The following MTSS1 variants were observed in gnomAD, a reference collection of about 807,000 sequenced individuals.
The protein encoded by MTSS1 is MTSS I-BAR domain containing 1.
Under a neutral mutation model 79.0 loss-of-function variants are expected in MTSS1, and 18 were observed. That is an observed-to-expected ratio of 0.23 (90% CI 0.16 to 0.34). The LOEUF is 0.34. MTSS1 is among the 10% of genes least tolerant of loss of function. The pLI, the probability that MTSS1 is intolerant of heterozygous loss-of-function variation, is 1.00. For missense variants in MTSS1, 815 were observed against 986.2 expected, an observed-to-expected ratio of 0.83 and a Z score of 2.33; for synonymous variants, 341 against 368.6, an observed-to-expected ratio of 0.93 and a Z score of 0.86.
At chr8:124,677,284 C>A (rs578031153) in intron 3 of MTSS1, among the ~76,000 whole-genome samples, 6 of 152,108 alleles carry the variant, frequency 3.9e-5, no homozygotes, top group Non-Finnish European at 8.8e-5. Context: ...ACCTCCACAC[C>A]CCTAGCCCTT....
intron 3 of MTSS1, among the ~76,000 whole-genome samples, chr8:124,624,996 C>T (rs528595412): frequency 2.0e-5 from 3 of 152,332 alleles, no homozygotes; most frequent in African/African-American, 7.2e-5. Context: ...TGTAACAACA[C>T]GTGCCCCAAA....
chr8:124,609,373 G>A (rs1290100413), intron 3 of MTSS1, among the ~76,000 whole-genome samples: 1 of 152,202 alleles, frequency 6.6e-6, no homozygotes, highest in Non-Finnish European at 1.5e-5. Context: ...GGCTGACAAC[G>A]TCTCAGGGCA....
intron 3 of MTSS1, among the ~76,000 whole-genome samples, chr8:124,602,707 G>C (rs1300615673): frequency 6.6e-6 from 1 of 152,178 alleles, no homozygotes. Context: ...ACCTCGGCTA[G>C]AGGTGGGTAC....
At chr8:124,568,029 AC>A in intron 7 of MTSS1, 1 of 1,162,642 alleles carries the variant, frequency 8.6e-7, no homozygotes, top group Non-Finnish European at 1.1e-6. Flanking sequence ...CTGGGTCCCC[AC>A]CCCCAGAGGT....
chr8:124,561,213 C>T (rs1228949365), intron 10 of MTSS1, among the ~76,000 whole-genome samples: 1 of 152,172 alleles, frequency 6.6e-6, no homozygotes, highest in African/African-American at 2.4e-5. Flanking sequence ...GGGCGGATCA[C>T]CTGAGGTCAG....
intron 7 of MTSS1, among the ~76,000 whole-genome samples, 161 bp from the exon 8 acceptor site, chr8:124,567,339 T>G (rs1167518152): frequency 6.6e-6 from 1 of 152,276 alleles, no homozygotes; most frequent in African/African-American, 2.4e-5. Context: ...ACATGCCTTT[T>G]CTTTTGGGAA....
At position 124,610,062 on chromosome 8, in the gene MTSS1, T is replaced by C. The variant is rs558541416; in HGVS notation, c.209-18827A>G. Among the ~76,000 whole-genome samples the C allele has an allele frequency of 5.9e-5, 9 of 152,302 alleles. No individual in the cohort carries two copies. In the South Asian group the frequency reaches 1.9e-3, roughly 32 times the overall value. On this transcript the variant is annotated intron_variant, in intron 3 of 13. Transcript: ENST00000518547. ...CAAGGTCATCTAGGGAAAGAACATA[T>C]GTAACTGCTAATCTAATAAAGGATA...
chr8:124,651,677 G>C (rs16899925), intron 3 of MTSS1, among the ~76,000 whole-genome samples: 23,770 of 152,100 alleles, frequency 0.16, 3,057 homozygotes, highest in African/African-American at 0.35. Flanking sequence ...CACCCAGTCA[G>C]ACAGTACCAG....
At chr8:124,649,274 T>C (rs1459475933) in intron 3 of MTSS1, among the ~76,000 whole-genome samples, 2 of 152,212 alleles carry the variant, frequency 1.3e-5, no homozygotes, top group Non-Finnish European at 2.9e-5. Context: ...GCCTAAAATA[T>C]TGACTGTGTG....
In MTSS1 at chr8:124,553,631, G is replaced by C; in HGVS notation, c.1629C>G (p.Asp543Glu). The change falls in exon 14 of 14, where the codon GAC becomes GAG. Residue 543 changes from aspartate (D) to glutamate (E), a missense_variant. Asp to Glu is a conservative substitution (Grantham distance 45). Around this residue, in one of 2 missense-constraint regions of MTSS1, gnomAD observed 590 missense variants for 620.8 expected, o/e 0.95. Transcript: ENST00000518547. The surrounding 1 kb of genome is among the most constrained non-coding windows in gnomAD (Gnocchi z 6.0). The stretch of plus-strand genomic sequence containing the variant: ...TGTTTCTTGGAATGGTGGAGGACTT[G>C]TCGAACTCCTGCTGATCTGCCTCCT... ...GDQEADQQEF[D>E]KSSTIPRNSD... The C allele has an allele frequency of 1.2e-6, 2 of 1,614,182 alleles. No homozygotes were observed. The highest frequency in any genetic ancestry group is 1.7e-6 in the Non-Finnish European group (2 of 1,180,018).
At chr8:124,726,549 C>A (rs1833720651) in intron 1 of MTSS1, among the ~76,000 whole-genome samples, 1 of 152,192 alleles carries the variant, frequency 6.6e-6, no homozygotes, top group Admixed American at 6.5e-5. Flanking sequence ...TCAAAATGGA[C>A]AAAACCAGGA....
At chr8:124,643,946 T>A (rs1236803874) in intron 3 of MTSS1, among the ~76,000 whole-genome samples, 2 of 152,128 alleles carry the variant, frequency 1.3e-5, no homozygotes, top group African/African-American at 2.4e-5. Context: ...GAAAAAGTTA[T>A]TAAAAAGTTT....
chr8:124,597,271 C>G lies in MTSS1; in HGVS notation c.209-6036G>C, dbSNP rs770250525. Among the ~76,000 whole-genome samples, 26 of 152,252 alleles carry G rather than the reference C, an allele frequency of 1.7e-4. No homozygotes were observed. Among genetic ancestry groups the G allele is most frequent in the Non-Finnish European group, 3.5e-4 (24 of 68,030 alleles). On this transcript the variant is annotated intron_variant, in intron 3 of 13. Coordinates refer to ENST00000518547, the MANE Select transcript of MTSS1 (RefSeq NM_014751.6). The surrounding 1 kb of genome is among the most constrained non-coding windows in gnomAD (Gnocchi z 4.6). ...ACCTGAGGCTCAGGAGGGTTAACAA[C>G]CTTGCTGAGGGCCACATTGCTGGTC...
intron 1 of MTSS1, among the ~76,000 whole-genome samples, chr8:124,716,489 G>T (rs182550797): frequency 6.6e-6 from 1 of 152,158 alleles, no homozygotes; most frequent in African/African-American, 2.4e-5. Flanking sequence ...AGTGGCTCAG[G>T]TGACCCAGGG....
At chr8:124,622,825 G>GAT (rs974414255) in intron 3 of MTSS1, among the ~76,000 whole-genome samples, 6 of 150,380 alleles carry the variant, frequency 4.0e-5, no homozygotes, top group African/African-American at 1.5e-4. Context: ...TATGAGAAAT[G>GAT]ATAGATATGT....
chr8:124,573,778 C>T (rs1475077780), intron 6 of MTSS1, among the ~76,000 whole-genome samples: 1 of 152,192 alleles, frequency 6.6e-6, no homozygotes, highest in Non-Finnish European at 1.5e-5. Flanking sequence ...TCTGTAATAT[C>T]TTAGGCATCT....
chr8:124,680,939 G>A lies in MTSS1; in HGVS notation c.208+18587C>T, dbSNP rs76160266. Among the ~76,000 whole-genome samples, 651 of 152,240 alleles carry A rather than the reference G, an allele frequency of 4.3e-3. 10 individuals carry two copies. Among genetic ancestry groups the A allele is most frequent in the African/African-American group, 0.015 (617 of 41,546 alleles). The stretch of plus-strand genomic sequence containing the variant: ...GGTCACCAAGACCCTCCTGGCCAGA[G>A]TGGGGATTTCTTTAGACCGCAGGAG... On this transcript the variant is annotated intron_variant, in intron 3 of 13. Coordinates refer to ENST00000518547, the MANE Select transcript of MTSS1 (RefSeq NM_014751.6).
rs753381008 is a variant in MTSS1 at position 124,567,105 on chromosome 8, A to T, written c.692T>A (p.Met231Lys). Reference sequence around the variant, plus strand: ...TGAGGAGGGCAGTTTGTGAGGGTCCATGGTCAGGCTTTTTAGATCTTCCGA... The same window carrying T: ...TGAGGAGGGCAGTTTGTGAGGGTCCTTGGTCAGGCTTTTTAGATCTTCCGA... Reference protein sequence around the residue: ...TISEDLKSLTMDPHKLPSSSE... With the variant: ...TISEDLKSLTKDPHKLPSSSE... Residue 231 changes from methionine (M) to lysine (K), a missense_variant, in exon 8 of 14, where the codon ATG becomes AAG. By Grantham distance (95) the Met-to-Lys change is moderately conservative (BLOSUM62 -1). Around this residue, in one of 2 missense-constraint regions of MTSS1, gnomAD observed 225 missense variants for 365.4 expected, o/e 0.62. Coordinates refer to ENST00000518547, the MANE Select transcript of MTSS1 (RefSeq NM_014751.6). 1 of 1,614,132 alleles carries T rather than the reference A, an allele frequency of 6.2e-7. No individual in the cohort carries two copies. Among genetic ancestry groups the T allele is most frequent in the South Asian group, 1.1e-5 (1 of 91,086 alleles).
chr8:124,643,824 A>G (rs1420405759), intron 3 of MTSS1, among the ~76,000 whole-genome samples: 1 of 152,206 alleles, frequency 6.6e-6, no homozygotes, highest in East Asian at 1.9e-4. Context: ...AAAGTACAAC[A>G]AAATACTACA....
Sources: allele counts gnomAD v4.1 joint callset (sites outside exome capture counted in the v4.1 genomes callset), GRCh38; gene constraint gnomAD v4.1.1; regional missense constraint gnomAD v4.1.1; non-coding constraint Gnocchi (gnomAD v3.1); transcripts MANE v1.5; gene names NCBI Gene and HGNC (gene_info 2026-07-23, HGNC 2026-07-21).